The following EFHD2 variants were observed in gnomAD, a reference collection of about 807,000 sequenced individuals.
The protein encoded by EFHD2 is EF-hand domain-containing protein D2.
Under a neutral mutation model 20.3 loss-of-function variants are expected in EFHD2, and 12 were observed. That is an observed-to-expected ratio of 0.59 (90% confidence interval 0.38 to 0.96). The LOEUF (loss-of-function observed/expected upper bound fraction) is 0.96, where lower values mean the gene tolerates loss of function less well. Ranked by LOEUF, EFHD2 falls within the 40% of genes least tolerant of loss-of-function variation. The probability of loss-of-function intolerance (pLI) is 0.00; values close to 1 mark genes in which losing one functional copy is unlikely to be tolerated. For synonymous variants in EFHD2, 131 were observed against 143.9 expected, an observed-to-expected ratio of 0.91 and a Z score of 0.64; for missense variants, 250 against 334.3, an observed-to-expected ratio of 0.75 and a Z score of 1.97.
chr1:15,425,974 A>G lies in EFHD2; in HGVS notation c.412A>G (p.Lys138Glu). 1 of 1,597,586 alleles carries G rather than the reference A, an allele frequency of 6.3e-7. No homozygotes were observed. The highest frequency in any genetic ancestry group is 1.4e-5 in the African/African-American group (1 of 73,816). The change falls in exon 2 of 4, where the codon AAG becomes GAG. Residue 138 changes from lysine (K) to glutamate (E), a missense_variant. By Grantham distance (56) the Lys-to-Glu change is moderately conservative. Around this residue, in one of 3 missense-constraint regions of EFHD2, gnomAD observed 7 missense variants for 27.5 expected, o/e 0.25. Transcript: ENST00000375980. ...CCACCTGGGCCTGAAAAACATGATC[A>G]AGGAGGTGGATGAGGACTTTGACAG... The part of the protein sequence containing the change: ...QTHLGLKNMI[K>E]EVDEDFDSKL...
chr1:15,410,410 C>G, intron 1 of EFHD2, 131 bp downstream of exon 1: 8 of 1,182,982 alleles, frequency 6.8e-6, no homozygotes, highest in Non-Finnish European at 9.3e-6. Flanking sequence ...CCCAGACGCA[C>G]CGGGGTTGGG....
At chr1:15,420,508 A>ATTATTTATTTATTTAT (rs71572155) in intron 1 of EFHD2, among the ~76,000 whole-genome samples, 3,391 of 151,222 alleles carry the variant, frequency 0.022, 141 homozygotes, top group African/African-American at 0.078. Flanking sequence ...CGCCCAGCTA[A>ATTATTTATTTATTTAT]TTATTTATTT....
Position 15,428,747 on chromosome 1 carries a change from T to G in EFHD2, c.*23T>G, listed in dbSNP as rs1193294287. 1 of 1,562,006 alleles carries G rather than the reference T, an allele frequency of 6.4e-7. No homozygotes were observed. Among genetic ancestry groups the G allele is most frequent in the Non-Finnish European group, 8.7e-7 (1 of 1,153,994 alleles). ...TAGCGGGGGCTGCAGCCGACCGCCCTGCTCCGGCCCCAGTGTGGTGGGCGA... is the reference window on the plus strand; with the variant it reads ...TAGCGGGGGCTGCAGCCGACCGCCCGGCTCCGGCCCCAGTGTGGTGGGCGA... On this transcript the variant is annotated 3_prime_UTR_variant, in exon 4 of 4. Transcript: ENST00000375980.
Position 15,426,041 on chromosome 1 carries a change from C to A in EFHD2, c.456+23C>A. On this transcript the variant is annotated intron_variant, in intron 2 of 3. Coordinates refer to ENST00000375980, the MANE Select transcript of EFHD2 (RefSeq NM_024329.6). This position sits in a 1 kb window ranked among gnomAD's most constrained non-coding sequence, Gnocchi z 4.6. ...GAGGTAAGCCCGGCCCCCAGCCCCACTCCCCTACCAGGGGCTTCACCTGAG... is the reference window on the plus strand; with the variant it reads ...GAGGTAAGCCCGGCCCCCAGCCCCAATCCCCTACCAGGGGCTTCACCTGAG... 2 of 1,550,002 alleles carry A rather than the reference C, an allele frequency of 1.3e-6. No individual in the cohort carries two copies. Among genetic ancestry groups the A allele is most frequent in the Non-Finnish European group, 1.7e-6 (2 of 1,152,394 alleles).
intron 1 of EFHD2, among the ~76,000 whole-genome samples, chr1:15,423,016 C>T (rs999283741): frequency 3.3e-5 from 5 of 152,178 alleles, no homozygotes; most frequent in African/African-American, 7.2e-5. Context: ...GGGGAGTCCT[C>T]GTGACTTGGC....
intron 1 of EFHD2, among the ~76,000 whole-genome samples, chr1:15,422,681 G>A (rs1051649871): frequency 1.3e-5 from 2 of 151,904 alleles, no homozygotes; most frequent in Non-Finnish European, 2.9e-5. Flanking sequence ...CTAACACGGT[G>A]AAACCCCATC....
At chr1:15,420,279 G>A (rs1253100333) in intron 1 of EFHD2, among the ~76,000 whole-genome samples, 4 of 152,178 alleles carry the variant, frequency 2.6e-5, no homozygotes, top group African/African-American at 9.7e-5. Context: ...GAAATTAACA[G>A]GTTTGAAGGA....
At position 15,429,104 on chromosome 1, in the gene EFHD2, C is replaced by A; in HGVS notation, c.*380C>A. On this transcript the variant is annotated 3_prime_UTR_variant, in exon 4 of 4. Coordinates refer to ENST00000375980, the MANE Select transcript of EFHD2 (RefSeq NM_024329.6). Reference sequence around the variant, plus strand: ...TCCACACATCCCTGTCCCCCCAACCCGGGAACCCCTGCCCTCCTCCAGCAG... The same window carrying A: ...TCCACACATCCCTGTCCCCCCAACCAGGGAACCCCTGCCCTCCTCCAGCAG... The A allele has an allele frequency of 4.5e-6, 1 of 223,976 alleles. No homozygotes were observed. The allele number at this position is 223,976 out of a possible 1,614,324, so 13.9% of individuals were successfully genotyped here. A position where few individuals can be genotyped will look rare whatever the true frequency, so the allele number is the denominator to read the frequency against.
At chr1:15,416,198 C>G (rs1434248410) in intron 1 of EFHD2, among the ~76,000 whole-genome samples, 1 of 152,086 alleles carries the variant, frequency 6.6e-6, no homozygotes, top group Non-Finnish European at 1.5e-5. Context: ...CCGGCTTCCT[C>G]GCTCTCCTCC....
At chr1:15,425,452 G>A (rs914526797) in intron 1 of EFHD2, among the ~76,000 whole-genome samples, 6 of 151,978 alleles carry the variant, frequency 3.9e-5, no homozygotes, top group Non-Finnish European at 8.8e-5. Flanking sequence ...TTGAACCCGG[G>A]AGGCGGAGGC....
At chr1:15,416,860 A>G (rs537036163) in intron 1 of EFHD2, among the ~76,000 whole-genome samples, 22 of 152,196 alleles carry the variant, frequency 1.4e-4, no homozygotes, top group African/African-American at 5.3e-4. Context: ...ACTCAGACCA[A>G]GTGCAGTGGT....
Position 15,410,185 on chromosome 1 carries a change from C to T in EFHD2, c.214C>T (p.Pro72Ser), listed in dbSNP as rs140640103. The T allele has an allele frequency of 3.1e-5, 49 of 1,605,264 alleles. No homozygotes were observed. Among genetic ancestry groups the T allele is most frequent in the Non-Finnish European group, 4.1e-5 (48 of 1,177,018 alleles). ...AGACCTCAACCAGGGCATCGGCGAG[C>T]CCCAGTCGCCCAGCCGCCGCGTCTT... ...RADLNQGIGE[P>S]QSPSRRVFNP... The change falls in exon 1 of 4, where the codon CCC becomes TCC. Residue 72 changes from proline to serine, a missense_variant. Transcript: ENST00000375980.
chr1:15,418,499 G>A lies in EFHD2; in HGVS notation c.309-7372G>A, dbSNP rs578176924. Among the ~76,000 whole-genome samples, 3 of 150,730 alleles carry A rather than the reference G, an allele frequency of 2.0e-5. No homozygotes were observed. The East Asian group carries it at 5.9e-4, about 30-fold the overall frequency. ...TTTTTGTATTTTTAGTAGAGACGGG[G>A]TTTCACCGTGTTAGCCAGGATGGTC... is the stretch of plus-strand genomic sequence containing the variant. On this transcript the variant is annotated intron_variant, in intron 1 of 3. Transcript: ENST00000375980.
intron 1 of EFHD2, among the ~76,000 whole-genome samples, chr1:15,414,542 C>G (rs930644959): frequency 2.6e-5 from 4 of 152,274 alleles, no homozygotes; most frequent in Non-Finnish European, 5.9e-5. Context: ...AAATGACTGT[C>G]ACCGCCATCC....
At position 15,429,244 on chromosome 1, in the gene EFHD2, G is replaced by A. The variant is rs536216362; in HGVS notation, c.*520G>A. ...GACCCAAGGGGCTAATTGGAGGCAC[G>A]AGGGGACCCCTCCCCAGGGCCTTTT... On this transcript the variant is annotated 3_prime_UTR_variant, in exon 4 of 4. Coordinates refer to ENST00000375980, the MANE Select transcript of EFHD2 (RefSeq NM_024329.6). 2 of 157,760 alleles carry A rather than the reference G, an allele frequency of 1.3e-5. No individual in the cohort carries two copies. The highest frequency in any genetic ancestry group is 1.9e-4 in the East Asian group (1 of 5,268). 9.8% of individuals were successfully genotyped at this position (157,760 alleles called of 1,614,324 possible). A position where few individuals can be genotyped will look rare whatever the true frequency, so the allele number is the denominator to read the frequency against.
chr1:15,420,261 A>T (rs985557927), intron 1 of EFHD2, among the ~76,000 whole-genome samples: 3 of 152,230 alleles, frequency 2.0e-5, no homozygotes, highest in African/African-American at 7.2e-5. Context: ...TACTATTACG[A>T]TGATGATGAA....
At chr1:15,424,026 C>CA (rs901014005) in intron 1 of EFHD2, among the ~76,000 whole-genome samples, 33 of 150,654 alleles carry the variant, frequency 2.2e-4, no homozygotes, top group African/African-American at 7.3e-4. Context: ...CCCGTCTCTA[C>CA]AAAAAAAATA....
chr1:15,421,424 C>T (rs926232073), intron 1 of EFHD2, among the ~76,000 whole-genome samples: 6 of 152,186 alleles, frequency 3.9e-5, no homozygotes, highest in Non-Finnish European at 8.8e-5. Flanking sequence ...TCGCAGCCCC[C>T]GTCACCTCCT....
chr1:15,420,085 C>T (rs570636900), intron 1 of EFHD2, among the ~76,000 whole-genome samples: 42 of 152,342 alleles, frequency 2.8e-4, no homozygotes, highest in African/African-American at 8.9e-4. Flanking sequence ...GCCAAGCCAC[C>T]ACAAGCCCTG....
Sources: allele counts gnomAD v4.1 joint callset (sites outside exome capture counted in the v4.1 genomes callset), GRCh38; gene constraint gnomAD v4.1.1; regional missense constraint gnomAD v4.1.1; non-coding constraint Gnocchi (gnomAD v3.1); transcripts MANE v1.5; gene names NCBI Gene and HGNC (gene_info 2026-07-23, HGNC 2026-07-21).